SPATA6: variants seen among roughly 807,000 people sequenced by gnomAD.
The protein encoded by SPATA6 is spermatogenesis-associated protein 6.
Under a neutral mutation model 65.3 loss-of-function variants are expected in SPATA6, and 56 were observed. That is an observed-to-expected ratio of 0.86 (90% CI 0.69 to 1.07). The LOEUF is 1.07. SPATA6 is among the 50% of genes least tolerant of loss of function. SPATA6 has a pLI of 0.00. For synonymous variants in SPATA6, 199 were observed against 213.2 expected (o/e 0.93, Z 0.58); for missense variants, 590 against 594.8 (o/e 0.99, Z 0.08).
downstream of SPATA6, among the ~76,000 whole-genome samples, chr1:48,294,233 C>T (rs111501030): frequency 3.9e-4 from 59 of 152,264 alleles, no homozygotes; most frequent in African/African-American, 1.3e-3. Context: ...CATGCCACTA[C>T]GCCTGGCTGA....
rs191767075 is a variant in SPATA6, at chr1:48,468,643, G to A, written c.51+3315C>T. ...ATGGAAGTGTTCCAAATCTTGATCT[G>A]GGTGATGGTGACATGAGTGTATGAA... On this transcript the variant is annotated intron_variant, in intron 1 of 12. Transcript: ENST00000371847. 1.9e-3 allele frequency among the ~76,000 whole-genome samples: 293 copies of A among 152,154 alleles called. 1 individual carries two copies. Among genetic ancestry groups the A allele is most frequent in the Middle Eastern group, 6.8e-3 (2 of 294 alleles).
At chr1:48,393,854 T>G (rs1266387485) in intron 8 of SPATA6, among the ~76,000 whole-genome samples, 1 of 152,086 alleles carries the variant, frequency 6.6e-6, no homozygotes, top group East Asian at 1.9e-4. Context: ...CTGGTATATT[T>G]GCTTGTAAGG....
chr1:48,428,549 C>T (rs1308585158), intron 3 of SPATA6, among the ~76,000 whole-genome samples: 6 of 151,970 alleles, frequency 3.9e-5, no homozygotes, highest in Admixed American at 1.3e-4. Flanking sequence ...ATAAGAAAAT[C>T]ATAAGGGAGA....
chr1:48,264,007 T>C, the SPATA6 span, among the ~76,000 whole-genome samples: 1 of 152,180 alleles, frequency 6.6e-6, no homozygotes, highest in East Asian at 1.9e-4. Flanking sequence ...TTTGTATTTT[T>C]TTGTAGAAGC....
intron 3 of SPATA6, among the ~76,000 whole-genome samples, chr1:48,439,682 A>G (rs1365581382): frequency 3.3e-5 from 5 of 152,140 alleles, no homozygotes; most frequent in Admixed American, 3.3e-4. Context: ...TTTCTTTCAG[A>G]TAGTAAACAC....
intron 11 of SPATA6, among the ~76,000 whole-genome samples, chr1:48,327,668 T>G (rs1047480608): frequency 3.9e-5 from 6 of 152,176 alleles, no homozygotes. Flanking sequence ...TCATGTCCTT[T>G]GCAGCAACAC....
chr1:48,395,009 C>CA (rs763207673), intron 8 of SPATA6, among the ~76,000 whole-genome samples: 1 of 151,816 alleles, frequency 6.6e-6, no homozygotes, highest in Non-Finnish European at 1.5e-5. Flanking sequence ...TAGAATATAT[C>CA]ACATTTTTTA....
the SPATA6 span, among the ~76,000 whole-genome samples, chr1:48,282,938 A>G: frequency 0.025 from 3,754 of 152,094 alleles, 98 homozygotes; most frequent in African/African-American, 0.067. Flanking sequence ...CAATCCAAAT[A>G]TCCAACAATG....
At chr1:48,263,538 C>A in the SPATA6 span, among the ~76,000 whole-genome samples, 1 of 152,150 alleles carries the variant, frequency 6.6e-6, no homozygotes, top group Non-Finnish European at 1.5e-5. Flanking sequence ...GTTTCCATAC[C>A]TTTATGCCAC....
At chr1:48,282,904 T>C in the SPATA6 span, among the ~76,000 whole-genome samples, 1 of 152,112 alleles carries the variant, frequency 6.6e-6, no homozygotes. Flanking sequence ...TGTGGCACTA[T>C]TCACAATAGC....
At chr1:48,379,548 A>C (rs1259927708) in intron 9 of SPATA6, among the ~76,000 whole-genome samples, 1 of 152,156 alleles carries the variant, frequency 6.6e-6, no homozygotes, top group African/African-American at 2.4e-5. Context: ...AATTCTGGAG[A>C]TCTATTTTAC....
intron 11 of SPATA6, among the ~76,000 whole-genome samples, chr1:48,331,237 A>C (rs1645906183): frequency 6.6e-6 from 1 of 152,186 alleles, no homozygotes; most frequent in Admixed American, 6.5e-5. Flanking sequence ...GAGATGGCTG[A>C]AATGACAGAA....
At chr1:48,439,415 G>A (rs766917876) in intron 3 of SPATA6, among the ~76,000 whole-genome samples, 4 of 150,608 alleles carry the variant, frequency 2.7e-5, no homozygotes, top group African/African-American at 9.8e-5. Flanking sequence ...CTGCTGCTGC[G>A]TCAGTGAGCG....
intron 11 of SPATA6, among the ~76,000 whole-genome samples, chr1:48,313,306 T>A (rs895626881): frequency 7.9e-5 from 12 of 152,172 alleles, no homozygotes; most frequent in Non-Finnish European, 1.3e-4. Flanking sequence ...AAGGTCGGGT[T>A]ACCCACAAAG....
intron 11 of SPATA6, among the ~76,000 whole-genome samples, chr1:48,335,370 C>T (rs1225720809): frequency 1.3e-5 from 2 of 150,994 alleles, no homozygotes; most frequent in Non-Finnish European, 3.0e-5. Flanking sequence ...GGAGGAATCA[C>T]ATTGCCTGAC....
chr1:48,328,067 CA>C lies in SPATA6; in HGVS notation c.1195-22190del, dbSNP rs771092754. On this transcript the variant is annotated intron_variant, in intron 11 of 12. Coordinates refer to ENST00000371847, the MANE Select transcript of SPATA6 (RefSeq NM_019073.4). ...TATATATTTCTCCAAAGAAGATATA[CA>C]AATTACCAATAAGTACATGAAATAA... 2.0e-5 allele frequency among the ~76,000 whole-genome samples: 3 copies of C among 151,932 alleles called. No individual in the cohort carries two copies. In the East Asian group the frequency reaches 5.8e-4, roughly 29 times the overall value.
intron 9 of SPATA6, among the ~76,000 whole-genome samples, chr1:48,367,254 T>G (rs995333254): frequency 1.2e-4 from 18 of 152,302 alleles, no homozygotes; most frequent in Non-Finnish European, 1.8e-4. Context: ...GTGTGGTGCT[T>G]AAAAGAATGT....
At chr1:48,378,296 T>C (rs1648156179) in intron 9 of SPATA6, among the ~76,000 whole-genome samples, 1 of 152,196 alleles carries the variant, frequency 6.6e-6, no homozygotes, top group African/African-American at 2.4e-5. Flanking sequence ...TTAAGATGTC[T>C]GTAATGCAGT....
chr1:48,280,342 C>T, the SPATA6 span, among the ~76,000 whole-genome samples: 1 of 152,030 alleles, frequency 6.6e-6, no homozygotes, highest in Non-Finnish European at 1.5e-5. Flanking sequence ...CAGAGCAGAA[C>T]TGAAGGAAAT....
Sources: allele counts gnomAD v4.1 joint callset (sites outside exome capture counted in the v4.1 genomes callset), GRCh38; gene constraint gnomAD v4.1.1; transcripts MANE v1.5; gene names NCBI Gene and HGNC (gene_info 2026-07-23, HGNC 2026-07-21).